Variants in POLK observed in about 807,000 individuals in gnomAD.
POLK encodes polymerase (DNA directed) kappa.
POLK carries 76 observed loss-of-function variants against 94.0 expected under a neutral mutation model. That is an observed-to-expected ratio of 0.81 (90% CI 0.67 to 0.98). The LOEUF (loss-of-function observed/expected upper bound fraction) is 0.98, where lower values mean the gene tolerates loss of function less well. Ranked by LOEUF, POLK falls within the 50% of genes least tolerant of loss-of-function variation. The pLI, the probability that POLK is intolerant of heterozygous loss-of-function variation, is 0.00. For missense variants in POLK, 954 were observed against 1,010.1 expected (o/e 0.94, Z 0.75); for synonymous variants, 349 against 325.4 (o/e 1.07, Z -0.78).
rs1300053280 is a variant in POLK at position 75,511,890 on chromosome 5, T to C, written c.-38T>C. 2.8e-6 allele frequency: 4 copies of C among 1,454,278 alleles called. No homozygotes were observed. The highest frequency in any genetic ancestry group is 2.8e-6 in the Non-Finnish European group (3 of 1,071,632). 90.1% of individuals were successfully genotyped at this position (1,454,278 alleles called of 1,614,324 possible). A position where few individuals can be genotyped will look rare whatever the true frequency, so the allele number is the denominator to read the frequency against. Reference sequence around the variant, plus strand: ...GTCGCTCGCGCAGCCTCCTGGGAGTTGTAGTCGCGATCCTGAGGTAACGGG... The same window carrying C: ...GTCGCTCGCGCAGCCTCCTGGGAGTCGTAGTCGCGATCCTGAGGTAACGGG... On this transcript the variant is annotated 5_prime_UTR_variant, in exon 1 of 15. Coordinates refer to ENST00000241436, the Ensembl canonical transcript of POLK.
chr5:75,573,482 G>A (rs1771707766), intron 4 of POLK, among the ~76,000 whole-genome samples: 1 of 152,098 alleles, frequency 6.6e-6, no homozygotes. Context: ...CTTGCACGTT[G>A]TGCACATGTA....
At chr5:75,544,071 A>T (rs1429185039) in intron 1 of POLK, among the ~76,000 whole-genome samples, 3 of 152,154 alleles carry the variant, frequency 2.0e-5, no homozygotes, top group East Asian at 3.8e-4. Flanking sequence ...TCCTGGGCTT[A>T]ACCAATCCTC....
chr5:75,529,790 A>G (rs1769060153), intron 1 of POLK, among the ~76,000 whole-genome samples: 1 of 152,192 alleles, frequency 6.6e-6, no homozygotes, highest in Non-Finnish European at 1.5e-5. Context: ...TTAGATTGAA[A>G]TAGTATAAAA....
At chr5:75,545,837 G>A (rs573633142) in intron 1 of POLK, among the ~76,000 whole-genome samples, 1 of 152,176 alleles carries the variant, frequency 6.6e-6, no homozygotes, top group East Asian at 1.9e-4. Context: ...CAACACATGT[G>A]TTGCCACTTG....
At chr5:75,583,210 CT>C (rs374986939) in intron 7 of POLK, 82 bp from the exon 8 acceptor site, 126 of 1,020,360 alleles carry the variant, frequency 1.2e-4, no homozygotes, top group Middle Eastern at 2.4e-4. Flanking sequence ...TTGCAATTAA[CT>C]TTTTTTTTCT....
chr5:75,553,483 A>G (rs559185254), intron 3 of POLK, among the ~76,000 whole-genome samples: 2 of 152,314 alleles, frequency 1.3e-5, no homozygotes, highest in African/African-American at 2.4e-5. Context: ...TTTGATACAT[A>G]TGCCTTCTCA....
intron 3 of POLK, among the ~76,000 whole-genome samples, chr5:75,552,914 T>C (rs1484052074): frequency 6.6e-6 from 1 of 152,172 alleles, no homozygotes; most frequent in Admixed American, 6.5e-5. Context: ...TTCTTTTTAT[T>C]GTATACATCG....
At chr5:75,555,274 C>T (rs1278777770) in intron 3 of POLK, among the ~76,000 whole-genome samples, 2 of 151,958 alleles carry the variant, frequency 1.3e-5, no homozygotes, top group Non-Finnish European at 2.9e-5. Context: ...GTTTCCCTGC[C>T]CTAAAAAAAT....
intron 1 of POLK, among the ~76,000 whole-genome samples, chr5:75,538,845 A>G (rs1045232930): frequency 6.6e-6 from 1 of 152,106 alleles, no homozygotes; most frequent in Admixed American, 6.5e-5. Context: ...ACATCAGCTC[A>G]CTGCAACCTC....
intron 1 of POLK, among the ~76,000 whole-genome samples, chr5:75,530,795 TTTTTC>T (rs1046803820): frequency 2.0e-5 from 3 of 151,578 alleles, no homozygotes; most frequent in Non-Finnish European, 4.4e-5. Context: ...TCTTGAAATT[TTTTTC>T]TTTTCTTTTC....
chr5:75,511,666 C>T (rs998075356), upstream of POLK: 35 of 1,517,836 alleles, frequency 2.3e-5, no homozygotes, highest in Non-Finnish European at 2.7e-5. Context: ...TCCCCTTCGT[C>T]CTCCCATTCT....
intron 6 of POLK, among the ~76,000 whole-genome samples, chr5:75,580,877 T>G (rs1363000225): frequency 6.6e-6 from 1 of 151,488 alleles, no homozygotes; most frequent in African/African-American, 2.4e-5. Context: ...CTTTTTTTTT[T>G]TTTAAGAAAA....
Position 75,539,850 on chromosome 5 carries a change from A to T in POLK, c.-13-7160A>T, listed in dbSNP as rs546940778. On this transcript the variant is annotated intron_variant, in intron 1 of 14. Coordinates refer to ENST00000241436, the Ensembl canonical transcript of POLK. ...TTGTAGGTTACCCATTTATTCTTTTAAATTAGTGATAGAATACATATGAAG... is the reference window on the plus strand; with the variant it reads ...TTGTAGGTTACCCATTTATTCTTTTTAATTAGTGATAGAATACATATGAAG... Among the ~76,000 whole-genome samples the T allele has an allele frequency of 7.9e-5, 12 of 152,348 alleles. No individual in the cohort carries two copies. The South Asian group carries it at 2.5e-3, about 32-fold the overall frequency.
rs1335589371 is a variant in POLK, at chr5:75,596,484, A to G, written c.1791A>G (p.Gln597=). Residue 597 remains glutamine, a synonymous_variant, in exon 13 of 15, where the codon CAA becomes CAG. Transcript: ENST00000241436. ...ATAAACAAAGTTTCCAGACATCACA[A>G]CCATTCCAAGTTTTAAAGAAGAAGA... The G allele has an allele frequency of 1.9e-6, 3 of 1,613,918 alleles. No homozygotes were observed. The Admixed American group carries it at 5.0e-5, about 27-fold the overall frequency.
At chr5:75,606,766 A>G in the POLK span, among the ~76,000 whole-genome samples, 2 of 152,166 alleles carry the variant, frequency 1.3e-5, no homozygotes, top group Admixed American at 1.3e-4. Flanking sequence ...CACAGTAACA[A>G]TCTGATCTCT....
At chr5:75,511,238 C>G, upstream of POLK, 1 of 1,609,788 alleles carries the variant, frequency 6.2e-7, no homozygotes, top group Non-Finnish European at 8.5e-7. Flanking sequence ...GGAGACCGGC[C>G]CCCGCTCCCT....
intron 2 of POLK, among the ~76,000 whole-genome samples, chr5:75,551,140 G>A (rs1561362419): frequency 6.6e-6 from 1 of 152,130 alleles, no homozygotes; most frequent in East Asian, 1.9e-4. Flanking sequence ...ACTTTTAGAA[G>A]AAAATTTGAG....
chr5:75,544,557 G>A (rs768772012), intron 1 of POLK, among the ~76,000 whole-genome samples: 3 of 152,110 alleles, frequency 2.0e-5, no homozygotes, highest in South Asian at 2.1e-4. Context: ...CAGGAGAATC[G>A]CTTGAACCCA....
chr5:75,608,368 A>T, the POLK span, among the ~76,000 whole-genome samples: 1 of 152,006 alleles, frequency 6.6e-6, no homozygotes, highest in African/African-American at 2.4e-5. Context: ...TAATTTTTAA[A>T]TTTTTTGTGG....
Sources: allele counts gnomAD v4.1 joint callset (sites outside exome capture counted in the v4.1 genomes callset), GRCh38; gene constraint gnomAD v4.1.1; transcripts MANE v1.5; gene names NCBI Gene and HGNC (gene_info 2026-07-23, HGNC 2026-07-21).